The following NMNAT2 variants were observed in gnomAD, a reference collection of about 807,000 sequenced individuals.
NMNAT2 encodes the protein nicotinamide/nicotinic acid mononucleotide adenylyltransferase 2.
NMNAT2 carries 11 observed loss-of-function variants against 41.6 expected under a neutral mutation model. That is an observed-to-expected ratio of 0.26 (90% confidence interval 0.17 to 0.44). The LOEUF is 0.44. Among genes scored for constraint, NMNAT2 ranks in the 20% least tolerant of loss-of-function variants. The pLI, the probability that NMNAT2 is intolerant of heterozygous loss-of-function variation, is 1.00. For missense variants in NMNAT2, 288 were observed against 407.7 expected, an observed-to-expected ratio of 0.71 and a Z score of 2.53; for synonymous variants, 148 against 151.2, an observed-to-expected ratio of 0.98 and a Z score of 0.16.
intron 8 of NMNAT2, among the ~76,000 whole-genome samples, chr1:183,270,970 T>C (rs1057158707): frequency 2.0e-5 from 3 of 152,178 alleles, no homozygotes; most frequent in African/African-American, 7.2e-5. Flanking sequence ...TGTTTTCCCA[T>C]AGCTGATGGA....
chr1:183,348,629 C>T (rs373046862), intron 1 of NMNAT2, among the ~76,000 whole-genome samples: 4 of 152,262 alleles, frequency 2.6e-5, no homozygotes, highest in South Asian at 4.1e-4. Flanking sequence ...TTTGCTGGAA[C>T]AAAAGTTCTT....
intron 1 of NMNAT2, among the ~76,000 whole-genome samples, chr1:183,353,584 ACATCACCATGTGGAAAAC>A (rs1204062709): frequency 6.6e-6 from 1 of 152,200 alleles, no homozygotes; most frequent in Non-Finnish European, 1.5e-5. Context: ...TCCTGAGACC[ACATCACCATGTGGAAAAC>A]CATCTGAAAC....
chr1:183,294,468 C>T (rs1661627898), intron 1 of NMNAT2, among the ~76,000 whole-genome samples: 1 of 152,176 alleles, frequency 6.6e-6, no homozygotes. Flanking sequence ...AAGTCTGGTT[C>T]TATCTTACTT....
chr1:183,397,634 G>A (rs1648687011), intron 1 of NMNAT2, among the ~76,000 whole-genome samples: 1 of 152,106 alleles, frequency 6.6e-6, no homozygotes, highest in South Asian at 2.1e-4. Context: ...TGAAATGAAG[G>A]AAAAAATGTT....
At chr1:183,363,616 C>G (rs1303340161) in intron 1 of NMNAT2, among the ~76,000 whole-genome samples, 2 of 150,324 alleles carry the variant, frequency 1.3e-5, no homozygotes, top group African/African-American at 2.4e-5. Context: ...AATACCTCCA[C>G]TCAGCATAAG....
At chr1:183,364,000 T>A (rs1287211977) in intron 1 of NMNAT2, among the ~76,000 whole-genome samples, 1 of 152,228 alleles carries the variant, frequency 6.6e-6, no homozygotes, top group Non-Finnish European at 1.5e-5. Flanking sequence ...ACAACCTCCT[T>A]CATCCTGCTA....
chr1:183,354,964 T>C (rs1663150286), intron 1 of NMNAT2, among the ~76,000 whole-genome samples: 1 of 152,140 alleles, frequency 6.6e-6, no homozygotes, highest in Non-Finnish European at 1.5e-5. Context: ...TATCAGAACA[T>C]GTCAATTTTC....
chr1:183,374,764 A>G (rs1257392744), intron 1 of NMNAT2, among the ~76,000 whole-genome samples: 1 of 152,210 alleles, frequency 6.6e-6, no homozygotes, highest in East Asian at 1.9e-4. Flanking sequence ...CTAGGAAGCC[A>G]TAATGAGAAC....
At chr1:183,267,554 C>T (rs1433656198) in intron 8 of NMNAT2, among the ~76,000 whole-genome samples, 1 of 152,084 alleles carries the variant, frequency 6.6e-6, no homozygotes, top group Non-Finnish European at 1.5e-5. Flanking sequence ...GGGACAGGTA[C>T]CTCAGCACCT....
intron 1 of NMNAT2, among the ~76,000 whole-genome samples, chr1:183,360,295 C>T (rs1663278620): frequency 6.6e-6 from 1 of 152,126 alleles, no homozygotes. Flanking sequence ...CTAAAGTTGA[C>T]ATGGAAAACT....
chr1:183,274,354 C>G (rs1357319337), intron 8 of NMNAT2, among the ~76,000 whole-genome samples: 1 of 152,068 alleles, frequency 6.6e-6, no homozygotes, highest in Non-Finnish European at 1.5e-5. Flanking sequence ...CTCTGTCACC[C>G]AGGCTGGAGT....
At chr1:183,384,973 G>A (rs1324227229) in intron 1 of NMNAT2, among the ~76,000 whole-genome samples, 1 of 151,992 alleles carries the variant, frequency 6.6e-6, no homozygotes, top group Non-Finnish European at 1.5e-5. Flanking sequence ...TGGGGTGGGA[G>A]TTGCTTGAGG....
intron 8 of NMNAT2, among the ~76,000 whole-genome samples, chr1:183,271,327 T>G (rs1258571142): frequency 6.6e-6 from 1 of 152,170 alleles, no homozygotes; most frequent in African/African-American, 2.4e-5. Context: ...CCAAAGGTCT[T>G]GTTCCCCCCA....
At chr1:183,334,909 G>T (rs1448879526) in intron 1 of NMNAT2, among the ~76,000 whole-genome samples, 3 of 152,168 alleles carry the variant, frequency 2.0e-5, no homozygotes, top group Admixed American at 1.3e-4. Context: ...GCTCTGGGCT[G>T]ACTTCCTGTC....
At chr1:183,392,986 A>G (rs1188729376) in intron 1 of NMNAT2, among the ~76,000 whole-genome samples, 2 of 152,024 alleles carry the variant, frequency 1.3e-5, no homozygotes, top group Non-Finnish European at 2.9e-5. Flanking sequence ...TAGACTGTAA[A>G]CACATAAGGG....
At chr1:183,368,748 T>C (rs116253217) in intron 1 of NMNAT2, among the ~76,000 whole-genome samples, 1,915 of 152,290 alleles carry the variant, frequency 0.013, 25 homozygotes, top group South Asian at 0.067. Flanking sequence ...ACCATTCTCT[T>C]CTCAGTCATC....
At chr1:183,309,206 C>T (rs1046640363) in intron 1 of NMNAT2, among the ~76,000 whole-genome samples, 2 of 152,118 alleles carry the variant, frequency 1.3e-5, no homozygotes, top group Admixed American at 6.5e-5. Context: ...CAGTATATTG[C>T]CCAGGCTGGT....
At chr1:183,402,770 G>A (rs1041672574) in intron 1 of NMNAT2, among the ~76,000 whole-genome samples, 4 of 152,090 alleles carry the variant, frequency 2.6e-5, no homozygotes, top group Admixed American at 6.6e-5. Flanking sequence ...AATTTCCCAC[G>A]AAGGTCTTTG....
At chr1:183,293,867 G>T in intron 1 of NMNAT2, 74 bp from the exon 2 acceptor site, 2 of 1,018,174 alleles carry the variant, frequency 2.0e-6, no homozygotes, top group Non-Finnish European at 3.1e-6. Context: ...AAATCAATAC[G>T]CTCAGCTCTG....
Sources: allele counts gnomAD v4.1 joint callset (sites outside exome capture counted in the v4.1 genomes callset), GRCh38; gene constraint gnomAD v4.1.1; transcripts MANE v1.5; gene names NCBI Gene and HGNC (gene_info 2026-07-23, HGNC 2026-07-21).